The following KDM5B variants were observed in gnomAD, a reference collection of about 807,000 sequenced individuals.
The protein encoded by KDM5B is lysine-specific demethylase 5B.
In KDM5B, 144 loss-of-function variants were observed where a neutral mutation model predicts 193.4. That is an observed-to-expected ratio of 0.74 (90% CI 0.65 to 0.86). The LOEUF (loss-of-function observed/expected upper bound fraction) is 0.86. KDM5B is among the 40% of genes least tolerant of loss of function. The probability of loss-of-function intolerance (pLI) is 0.00; values close to 1 mark genes in which losing one functional copy is unlikely to be tolerated. For missense variants in KDM5B, 1,833 were observed against 1,886.9 expected (o/e 0.97, Z 0.53); for synonymous variants, 668 against 682.6 (o/e 0.98, Z 0.33).
At chr1:202,805,107 G>A (rs1658240053) in intron 1 of KDM5B, among the ~76,000 whole-genome samples, 1 of 152,074 alleles carries the variant, frequency 6.6e-6, no homozygotes, top group South Asian at 2.1e-4. Context: ...AGACATCTAA[G>A]TACAGTATCA....
At chr1:202,791,672 A>G (rs1657648269) in intron 1 of KDM5B, among the ~76,000 whole-genome samples, 2 of 152,048 alleles carry the variant, frequency 1.3e-5, no homozygotes, top group Non-Finnish European at 2.9e-5. Flanking sequence ...CATACGTCAT[A>G]CTTGCTAATC....
intron 1 of KDM5B, among the ~76,000 whole-genome samples, chr1:202,800,861 G>A (rs900640045): frequency 6.6e-6 from 1 of 152,134 alleles, no homozygotes; most frequent in Non-Finnish European, 1.5e-5. Context: ...ACCTGCAGCT[G>A]GTCAAGTTAC....
chr1:202,808,419 T>C lies in KDM5B; in HGVS notation c.-114A>G. 7 of 949,320 alleles carry C rather than the reference T, an allele frequency of 7.4e-6. No homozygotes were observed. The highest frequency in any genetic ancestry group is 1.1e-5 in the Non-Finnish European group (7 of 653,698). 58.8% of individuals were successfully genotyped at this position (949,320 alleles called of 1,614,324 possible). A position where few individuals can be genotyped will look rare whatever the true frequency, so the allele number is the denominator to read the frequency against. ...CTCGAGCAACAGCAAGTCCGAGTTG[T>C]ACGGGCAACGGCAGCACCTTGGGCT... On this transcript the variant is annotated 5_prime_UTR_variant, in exon 1 of 27. Transcript: ENST00000367265.
At chr1:202,794,734 C>G (rs1572777416) in intron 1 of KDM5B, among the ~76,000 whole-genome samples, 1 of 152,030 alleles carries the variant, frequency 6.6e-6, no homozygotes, top group East Asian at 1.9e-4. Context: ...TATGGTAGTC[C>G]CCACCCTTAT....
At chr1:202,771,152 T>C (rs569184665) in intron 4 of KDM5B, among the ~76,000 whole-genome samples, 2 of 152,344 alleles carry the variant, frequency 1.3e-5, no homozygotes, top group East Asian at 3.9e-4. Context: ...TGGGCAACTG[T>C]ATCTAGATCT....
intron 18 of KDM5B, 103 bp downstream of exon 18, chr1:202,742,288 T>C (rs1159464666): frequency 1.3e-6 from 1 of 768,956 alleles, no homozygotes; most frequent in Non-Finnish European, 2.2e-6. Context: ...CAAATAAATG[T>C]ACATATTAAT....
At chr1:202,740,606 G>C in intron 20 of KDM5B, 68 bp downstream of exon 20, 1 of 1,418,792 alleles carries the variant, frequency 7.0e-7, no homozygotes, top group Non-Finnish European at 9.6e-7. Context: ...CCTCCCTCCC[G>C]GACGGGGCGC....
At chr1:202,732,631 T>G (rs992042121) in intron 23 of KDM5B, among the ~76,000 whole-genome samples, 3 of 151,852 alleles carry the variant, frequency 2.0e-5, no homozygotes, top group Non-Finnish European at 2.9e-5. Context: ...TTTTTTTTTT[T>G]GTTTGGTCTT....
At chr1:202,767,313 C>T (rs1656510622) in intron 4 of KDM5B, 10 of 1,608,850 alleles carry the variant, frequency 6.2e-6, no homozygotes, top group East Asian at 2.2e-5. Flanking sequence ...TAGCTAGTAA[C>T]GACCACTTGT....
chr1:202,755,518 G>C, intron 10 of KDM5B, 66 bp from the exon 11 acceptor site: 1 of 1,205,942 alleles, frequency 8.3e-7, no homozygotes, highest in Admixed American at 2.2e-5. Flanking sequence ...TAGAAGGCCA[G>C]CTAAAAATAT....
intron 1 of KDM5B, among the ~76,000 whole-genome samples, chr1:202,806,077 T>C (rs1658280649): frequency 6.6e-6 from 1 of 152,186 alleles, no homozygotes; most frequent in African/African-American, 2.4e-5. Flanking sequence ...ATCACACATT[T>C]TGCAAAGATT....
Position 202,740,107 on chromosome 1 carries a change from A to ACC in KDM5B, c.3084+565_3084+566dup, listed in dbSNP as rs763053083. ...GGGCGGCTGGCCGGGCATGGGGCTG[A>ACC]CCCCCCCCACCTCCCTCCCGGACGG... On this transcript the variant is annotated intron_variant, in intron 20 of 26. Transcript: ENST00000367265. Among the ~76,000 whole-genome samples the ACC allele has an allele frequency of 3.6e-4, 45 of 124,222 alleles. 1 individual carries two copies. Among genetic ancestry groups the ACC allele is most frequent in the South Asian group, 5.3e-4 (2 of 3,792 alleles). 81.5% of individuals were successfully genotyped at this position (124,222 alleles called of 152,430 possible). A position where few individuals can be genotyped will look rare whatever the true frequency, so the allele number is the denominator to read the frequency against.
chr1:202,741,341 A>C lies in KDM5B; in HGVS notation c.2945+26T>G, dbSNP rs1203157169. On this transcript the variant is annotated intron_variant, in intron 19 of 26. Coordinates refer to ENST00000367265, the MANE Select transcript of KDM5B (RefSeq NM_006618.5). Reference sequence around the variant, plus strand: ...CTGGAGATAACTGTCCAACCTTCCCAAAGAAAGAGAAGTCTGCTTTTTCAC... The same window carrying C: ...CTGGAGATAACTGTCCAACCTTCCCCAAGAAAGAGAAGTCTGCTTTTTCAC... The C allele has an allele frequency of 2.0e-6, 3 of 1,488,914 alleles. No individual in the cohort carries two copies. In the Admixed American group the frequency reaches 6.8e-5, roughly 34 times the overall value. 92.2% of individuals were successfully genotyped at this position (1,488,914 alleles called of 1,614,324 possible). A position where few individuals can be genotyped will look rare whatever the true frequency, so the allele number is the denominator to read the frequency against.
At chr1:202,804,729 G>A (rs144251694) in intron 1 of KDM5B, among the ~76,000 whole-genome samples, 2 of 152,148 alleles carry the variant, frequency 1.3e-5, no homozygotes, top group East Asian at 3.9e-4. Context: ...TGGAATCTAG[G>A]CCCGGCACGG....
At chr1:202,798,850 G>A (rs570389468) in intron 1 of KDM5B, among the ~76,000 whole-genome samples, 15 of 152,114 alleles carry the variant, frequency 9.9e-5, no homozygotes, top group African/African-American at 3.6e-4. Context: ...GCAAGACCCT[G>A]TCCCTAAAAA....
intron 1 of KDM5B, among the ~76,000 whole-genome samples, chr1:202,779,761 C>G (rs771933527): frequency 6.6e-6 from 1 of 150,906 alleles, no homozygotes. Flanking sequence ...CAAGATCATG[C>G]CTTTGCACTC....
rs1442256853 is a variant in KDM5B, at chr1:202,728,133, G to A, written c.*903C>T. On this transcript the variant is annotated 3_prime_UTR_variant, in exon 27 of 27. Coordinates refer to ENST00000367265, the MANE Select transcript of KDM5B (RefSeq NM_006618.5). ...AGGCAAAAGCAAGCAGCCCCTTCTG[G>A]CTGTGCAACAGTAGAGGGGCAGAAG... 6.6e-6 allele frequency: 1 copy of A among 152,254 alleles called. No homozygotes were observed. Among genetic ancestry groups the A allele is most frequent in the Non-Finnish European group, 1.5e-5 (1 of 68,054 alleles). 9.4% of individuals were successfully genotyped at this position (152,254 alleles called of 1,614,324 possible).
At chr1:202,793,385 G>A (rs1377172171) in intron 1 of KDM5B, among the ~76,000 whole-genome samples, 1 of 152,186 alleles carries the variant, frequency 6.6e-6, no homozygotes, top group East Asian at 1.9e-4. Context: ...AAAAGGCAAT[G>A]CAGTAGTTCA....
intron 13 of KDM5B, 63 bp from the exon 14 acceptor site, chr1:202,749,202 G>T: frequency 7.2e-7 from 1 of 1,398,162 alleles, no homozygotes; most frequent in South Asian, 1.3e-5. Context: ...AAACACCTCT[G>T]ACCCATTATT....
Sources: allele counts gnomAD v4.1 joint callset (sites outside exome capture counted in the v4.1 genomes callset), GRCh38; gene constraint gnomAD v4.1.1; transcripts MANE v1.5; gene names NCBI Gene and HGNC (gene_info 2026-07-23, HGNC 2026-07-21).